Variants in ORC3 observed in about 807,000 individuals in gnomAD.
The protein encoded by ORC3 is homolog of latheo, Drosophila.
A neutral mutation model predicts 100.7 loss-of-function variants in ORC3; 78 were observed. The observed-to-expected ratio is 0.77, with a 90% CI of 0.65 to 0.94. The LOEUF (loss-of-function observed/expected upper bound fraction) is 0.94. ORC3 is among the 40% of genes least tolerant of loss of function. ORC3 has a pLI of 0.00. For missense variants in ORC3, 789 were observed against 823.9 expected (o/e 0.96, Z 0.52); for synonymous variants, 295 against 289.3 (o/e 1.02, Z -0.20).
intron 17 of ORC3, among the ~76,000 whole-genome samples, chr6:87,663,348 G>A (rs1190104177): frequency 6.6e-6 from 1 of 152,212 alleles, no homozygotes; most frequent in Non-Finnish European, 1.5e-5. Context: ...GTCAACTGTT[G>A]CTGCCAGTTT....
chr6:87,601,608 A>G (rs984563029), intron 2 of ORC3, among the ~76,000 whole-genome samples, 176 bp from the exon 3 acceptor site: 1 of 151,938 alleles, frequency 6.6e-6, no homozygotes, highest in African/African-American at 2.4e-5. Context: ...GGAGGCGGAG[A>G]TCGCACTGAG....
intron 2 of ORC3, among the ~76,000 whole-genome samples, chr6:87,601,465 G>GT (rs1169788428): frequency 6.6e-6 from 1 of 152,194 alleles, no homozygotes; most frequent in Non-Finnish European, 1.5e-5. Context: ...GAGGTCAGGA[G>GT]TTTGAGACCA....
At chr6:87,630,888 T>C (rs1221637624) in intron 11 of ORC3, among the ~76,000 whole-genome samples, 1 of 152,090 alleles carries the variant, frequency 6.6e-6, no homozygotes. Flanking sequence ...TTTTTTTCTT[T>C]TTGAGACAGT....
intron 3 of ORC3, among the ~76,000 whole-genome samples, chr6:87,602,646 T>C (rs978424892): frequency 6.6e-6 from 1 of 152,058 alleles, no homozygotes; most frequent in Admixed American, 6.6e-5. Context: ...TTTGAATTTG[T>C]GGTTTCCAGT....
At chr6:87,632,999 T>C (rs1767542464) in intron 11 of ORC3, among the ~76,000 whole-genome samples, 1 of 152,212 alleles carries the variant, frequency 6.6e-6, no homozygotes, top group Non-Finnish European at 1.5e-5. Flanking sequence ...CGAACACTTA[T>C]TCCAGGGCAG....
the ORC3 span, chr6:87,675,623 A>C: frequency 3.0e-4 from 487 of 1,613,748 alleles, 3 homozygotes; most frequent in Middle Eastern, 8.2e-3. Flanking sequence ...GGGTGAGAAA[A>C]AGAAAATTAG....
At chr6:87,610,939 T>C (rs1045487451) in intron 7 of ORC3, among the ~76,000 whole-genome samples, 3 of 144,948 alleles carry the variant, frequency 2.1e-5, no homozygotes, top group African/African-American at 5.0e-5. Context: ...CTTTTCTTTT[T>C]TTTTTTTTTT....
At chr6:87,643,917 C>G (rs1181555857) in intron 13 of ORC3, among the ~76,000 whole-genome samples, 1 of 151,838 alleles carries the variant, frequency 6.6e-6, no homozygotes, top group Non-Finnish European at 1.5e-5. Context: ...AATATAAATG[C>G]TATGTAAATA....
intron 7 of ORC3, among the ~76,000 whole-genome samples, chr6:87,611,675 G>A (rs147594754): frequency 3.9e-4 from 59 of 152,054 alleles, no homozygotes; most frequent in South Asian, 8.3e-4. Context: ...CCAGCTACTC[G>A]GGAGGCTGAG....
intron 17 of ORC3, among the ~76,000 whole-genome samples, chr6:87,663,707 C>A (rs562949128): frequency 6.6e-6 from 1 of 152,350 alleles, no homozygotes; most frequent in South Asian, 2.1e-4. Flanking sequence ...ACACAGTTAT[C>A]AACTCCTGGA....
chr6:87,616,619 A>C (rs897783072), intron 9 of ORC3, among the ~76,000 whole-genome samples, 192 bp downstream of exon 9: 1 of 152,186 alleles, frequency 6.6e-6, no homozygotes, highest in African/African-American at 2.4e-5. Context: ...ACTCATTAGG[A>C]TATCAATAAT....
chr6:87,677,048 G>C, the ORC3 span, among the ~76,000 whole-genome samples: 4 of 150,182 alleles, frequency 2.7e-5, no homozygotes, highest in Non-Finnish European at 5.9e-5. Context: ...CTGCACTCCA[G>C]CCTTGGGTGA....
chr6:87,603,651 A>C (rs1778132408), intron 4 of ORC3, 123 bp downstream of exon 4: 3 of 511,542 alleles, frequency 5.9e-6, no homozygotes, highest in Non-Finnish European at 1.0e-5. Context: ...TCTTATTTGT[A>C]CAATTAAACC....
Position 87,603,537 on chromosome 6 carries a change from G to C in ORC3, c.322+9G>C. On this transcript the variant is annotated intron_variant, in intron 4 of 19. Transcript: ENST00000392844. ...TGCTGCTCTTGTTCTTGGTATATAT[G>C]CGTATGTTTGTTCATGCATGCATCT... 6.8e-7 allele frequency: 1 copy of C among 1,460,160 alleles called. No individual in the cohort carries two copies. The highest frequency in any genetic ancestry group is 9.2e-7 in the Non-Finnish European group (1 of 1,082,950). The allele number at this position is 1,460,160 out of a possible 1,614,324, so 90.5% of individuals were successfully genotyped here.
chr6:87,654,761 C>T (rs1030975208), intron 14 of ORC3, among the ~76,000 whole-genome samples: 1 of 152,166 alleles, frequency 6.6e-6, no homozygotes, highest in African/African-American at 2.4e-5. Flanking sequence ...ATGGAGATTG[C>T]TGTAAAAATA....
intron 16 of ORC3, among the ~76,000 whole-genome samples, chr6:87,662,286 G>C (rs1051405099): frequency 1.3e-5 from 2 of 152,072 alleles, no homozygotes; most frequent in African/African-American, 4.8e-5. Flanking sequence ...TTAGCCGGGC[G>C]TGTTGGTGGG....
intron 17 of ORC3, among the ~76,000 whole-genome samples, chr6:87,664,242 A>G (rs1371045555): frequency 1.3e-5 from 2 of 152,164 alleles, no homozygotes; most frequent in East Asian, 3.9e-4. Flanking sequence ...TGGATTTCAA[A>G]TAGGTTGAAG....
the ORC3 span, among the ~76,000 whole-genome samples, chr6:87,676,381 G>A: frequency 1.4e-5 from 2 of 146,604 alleles, no homozygotes; most frequent in African/African-American, 2.6e-5. Context: ...CAGGAGAATG[G>A]CGTGAACCCA....
intron 12 of ORC3, among the ~76,000 whole-genome samples, chr6:87,636,179 G>A (rs1354201176): frequency 1.3e-5 from 2 of 151,992 alleles, no homozygotes; most frequent in African/African-American, 2.4e-5. Flanking sequence ...TGATCCGCCC[G>A]CCTCAGCCTC....
Sources: allele counts gnomAD v4.1 joint callset (sites outside exome capture counted in the v4.1 genomes callset), GRCh38; gene constraint gnomAD v4.1.1; transcripts MANE v1.5; gene names NCBI Gene and HGNC (gene_info 2026-07-23, HGNC 2026-07-21).